Variants in PLCB4 observed in about 807,000 individuals in gnomAD.
PLCB4 encodes the protein phospholipase C beta 4, also known as 1-phosphatidylinositol 4,5-bisphosphate phosphodiesterase beta-4.
PLCB4 carries 77 observed loss-of-function variants against 178.8 expected under a neutral mutation model. The observed-to-expected ratio is 0.43, with a 90% CI of 0.36 to 0.52. The LOEUF is 0.52. Among genes scored for constraint, PLCB4 ranks in the 20% least tolerant of loss-of-function variants. The pLI, the probability that PLCB4 is intolerant of heterozygous loss-of-function variation, is 0.00. For missense variants in PLCB4, 1,024 were observed against 1,453.4 expected, an observed-to-expected ratio of 0.70 and a Z score of 4.80; for synonymous variants, 496 against 490.8, an observed-to-expected ratio of 1.01 and a Z score of -0.14.
At chr20:9,406,099 T>C (rs149637493) in intron 21 of PLCB4, among the ~76,000 whole-genome samples, 254 of 152,248 alleles carry the variant, frequency 1.7e-3, no homozygotes, top group Middle Eastern at 3.4e-3. Flanking sequence ...ATAATTTGGG[T>C]CAACAGTATA....
chr20:9,294,007 T>TG (rs1191766052), intron 3 of PLCB4, among the ~76,000 whole-genome samples: 6 of 152,198 alleles, frequency 3.9e-5, no homozygotes, highest in African/African-American at 1.4e-4. Flanking sequence ...TGAGGGAAGA[T>TG]GCTGCTTTCC....
At chr20:9,198,007 A>C (rs34723034) in intron 2 of PLCB4, among the ~76,000 whole-genome samples, 31 of 152,172 alleles carry the variant, frequency 2.0e-4, no homozygotes, top group South Asian at 4.2e-4. Context: ...AAAAAAAAAA[A>C]CAAAATCTTA....
chr20:9,188,291 A>G (rs2093354869), intron 2 of PLCB4, among the ~76,000 whole-genome samples: 1 of 152,234 alleles, frequency 6.6e-6, no homozygotes, highest in Non-Finnish European at 1.5e-5. Flanking sequence ...TTAGCCCTAT[A>G]GGTAACAATG....
intron 2 of PLCB4, among the ~76,000 whole-genome samples, chr20:9,208,628 T>C (rs1029952815): frequency 6.6e-6 from 1 of 152,066 alleles, no homozygotes; most frequent in Non-Finnish European, 1.5e-5. Flanking sequence ...CAGCCTTGAC[T>C]TCCTCGGTTC....
intron 2 of PLCB4, among the ~76,000 whole-genome samples, chr20:9,145,827 G>C (rs1398622782): frequency 6.6e-6 from 1 of 152,014 alleles, no homozygotes; most frequent in African/African-American, 2.4e-5. Context: ...ATTCTGTCTT[G>C]GGGAGAGGTC....
chr20:9,119,680 A>C (rs1012472946), intron 2 of PLCB4, among the ~76,000 whole-genome samples: 4 of 152,166 alleles, frequency 2.6e-5, no homozygotes, highest in African/African-American at 9.7e-5. Flanking sequence ...TTATTAGTTC[A>C]CCTTTATTAA....
intron 8 of PLCB4, among the ~76,000 whole-genome samples, chr20:9,363,405 A>G (rs1568656896): frequency 6.6e-6 from 1 of 152,208 alleles, no homozygotes; most frequent in Non-Finnish European, 1.5e-5. Context: ...CCTGAAAAAG[A>G]AGCCTCAGCC....
chr20:9,442,094 C>T (rs2042142706), intron 30 of PLCB4, among the ~76,000 whole-genome samples: 1 of 152,138 alleles, frequency 6.6e-6, no homozygotes, highest in Non-Finnish European at 1.5e-5. Flanking sequence ...ACTTTCATAC[C>T]AGGGAAGCCT....
chr20:9,258,941 CA>C (rs1368974372), intron 3 of PLCB4, among the ~76,000 whole-genome samples: 1 of 151,810 alleles, frequency 6.6e-6, no homozygotes, highest in Non-Finnish European at 1.5e-5. Flanking sequence ...CTCAATAAAA[CA>C]AAAGAAGGAA....
In PLCB4 at chr20:9,197,325, A is replaced by G. The variant is rs141038224; in HGVS notation, c.-78-20065A>G. ...TCCAATATGGGCACCACTTGCTGCA[A>G]TATGGCTATTTTGCACTCACCACGT... is the stretch of plus-strand genomic sequence containing the variant. On this transcript the variant is annotated intron_variant, in intron 2 of 39. Transcript: ENST00000378473. Among the ~76,000 whole-genome samples the G allele has an allele frequency of 2.6e-3, 402 of 152,302 alleles. 2 individuals carry two copies. Among genetic ancestry groups the G allele is most frequent in the Middle Eastern group, 0.014 (4 of 294 alleles).
chr20:9,392,656 G>A (rs2038238277), intron 17 of PLCB4, among the ~76,000 whole-genome samples: 1 of 152,090 alleles, frequency 6.6e-6, no homozygotes, highest in African/African-American at 2.4e-5. Flanking sequence ...CTTGGGAGTG[G>A]GAGCAGGACA....
In PLCB4 at chr20:9,448,455, T is replaced by G. The variant is rs1483203797; in HGVS notation, c.2880+4212T>G. Among the ~76,000 whole-genome samples, 3 of 152,212 alleles carry G rather than the reference T, an allele frequency of 2.0e-5. No individual in the cohort carries two copies. In the East Asian group the frequency reaches 5.8e-4, roughly 29 times the overall value. Reference sequence around the variant, plus strand: ...GCTAAGAACAGGGACTATTATTTAGTCTATATCCAGCAACTGTAGGGAGAT... The same window carrying G: ...GCTAAGAACAGGGACTATTATTTAGGCTATATCCAGCAACTGTAGGGAGAT... On this transcript the variant is annotated intron_variant, in intron 32 of 39. Coordinates refer to ENST00000378473, the MANE Select transcript of PLCB4 (RefSeq NM_001377142.1).
At chr20:9,462,912 G>A (rs527973045) in intron 35 of PLCB4, among the ~76,000 whole-genome samples, 7 of 152,138 alleles carry the variant, frequency 4.6e-5, no homozygotes, top group African/African-American at 9.7e-5. Context: ...AAGAAAGACA[G>A]AGAACACCGC....
intron 2 of PLCB4, among the ~76,000 whole-genome samples, chr20:9,107,660 A>AG (rs991578210): frequency 1.4e-4 from 22 of 152,028 alleles, no homozygotes; most frequent in African/African-American, 5.3e-4. Flanking sequence ...AGGGTGGCGT[A>AG]GGGAGGAGGG....
chr20:9,151,492 G>A (rs2092690435), intron 2 of PLCB4, among the ~76,000 whole-genome samples: 3 of 152,118 alleles, frequency 2.0e-5, no homozygotes, highest in African/African-American at 7.2e-5. Flanking sequence ...TCATGGTAGT[G>A]AATAAGTCTC....
chr20:9,386,906 T>A (rs1197084563), intron 14 of PLCB4, among the ~76,000 whole-genome samples: 8 of 146,262 alleles, frequency 5.5e-5, no homozygotes, highest in Non-Finnish European at 1.0e-4. Flanking sequence ...TTTTTTTTTT[T>A]AATTGGGACA....
At chr20:9,375,458 T>C (rs958683797) in intron 12 of PLCB4, among the ~76,000 whole-genome samples, 4 of 152,172 alleles carry the variant, frequency 2.6e-5, no homozygotes, top group Admixed American at 2.0e-4. Context: ...CCTGTGAAGG[T>C]TCCTTGTGAA....
At chr20:9,283,533 A>T (rs900802463) in intron 3 of PLCB4, among the ~76,000 whole-genome samples, 1 of 151,964 alleles carries the variant, frequency 6.6e-6, no homozygotes, top group Non-Finnish European at 1.5e-5. Flanking sequence ...TACATGTTGC[A>T]TTTCACATAA....
intron 36 of PLCB4, among the ~76,000 whole-genome samples, chr20:9,472,175 C>G (rs1472295522): frequency 6.6e-6 from 1 of 152,162 alleles, no homozygotes; most frequent in Non-Finnish European, 1.5e-5. Context: ...CTATGTTACT[C>G]TATGGGTACA....
Sources: gnomAD v4.1 joint callset for allele counts (sites outside exome capture counted in the v4.1 genomes callset) on GRCh38, gnomAD v4.1.1 for gene constraint, MANE v1.5 for transcripts, NCBI Gene and HGNC (gene_info 2026-07-23, HGNC 2026-07-21) for gene names.